The following SLC24A2 variants were observed in gnomAD, a reference collection of about 807,000 sequenced individuals.
SLC24A2 encodes the protein solute carrier family 24 member 2, also known as sodium/potassium/calcium exchanger 2.
SLC24A2 carries 36 observed loss-of-function variants against 62.0 expected under a neutral mutation model. The observed-to-expected ratio is 0.58, with a 90% confidence interval of 0.44 to 0.77. The LOEUF is 0.77. Ranked by LOEUF, SLC24A2 falls within the 30% of genes least tolerant of loss-of-function variation. SLC24A2 has a pLI of 0.00. For missense variants in SLC24A2, 846 were observed against 817.9 expected (o/e 1.03, Z -0.42); for synonymous variants, 358 against 294.0 (o/e 1.22, Z -2.23).
chr9:20,074,452 G>A, the SLC24A2 span, among the ~76,000 whole-genome samples: 3 of 151,764 alleles, frequency 2.0e-5, no homozygotes, highest in Non-Finnish European at 2.9e-5. Context: ...TTTCATTTAG[G>A]ACAATTAATG....
intron 2 of SLC24A2, among the ~76,000 whole-genome samples, chr9:19,738,991 C>G (rs917136017): frequency 6.6e-6 from 1 of 152,004 alleles, no homozygotes; most frequent in Non-Finnish European, 1.5e-5. Context: ...GTGGTGCGCA[C>G]CGGTAGTCCC....
chr9:19,916,446 A>G, the SLC24A2 span, among the ~76,000 whole-genome samples: 16 of 152,140 alleles, frequency 1.1e-4, no homozygotes, highest in African/African-American at 3.8e-4. Context: ...ACAAGTTAAA[A>G]ATTTACCTAA....
chr9:20,062,077 A>G, the SLC24A2 span, among the ~76,000 whole-genome samples: 1 of 152,124 alleles, frequency 6.6e-6, no homozygotes. Flanking sequence ...AAAGAAAAAG[A>G]AAATACCCAG....
At chr9:20,059,922 A>C in the SLC24A2 span, among the ~76,000 whole-genome samples, 1 of 152,114 alleles carries the variant, frequency 6.6e-6, no homozygotes, top group South Asian at 2.1e-4. Flanking sequence ...TCAAGAAGAA[A>C]AAAGGGAGAG....
At chr9:20,076,430 A>T in the SLC24A2 span, among the ~76,000 whole-genome samples, 25,449 of 152,140 alleles carry the variant, frequency 0.17, 3,585 homozygotes, top group East Asian at 0.65. Flanking sequence ...ACACGAAGGG[A>T]GAACCCCTGT....
the SLC24A2 span, among the ~76,000 whole-genome samples, chr9:20,199,885 A>ATTT: frequency 3.4e-3 from 443 of 132,014 alleles, 4 homozygotes; most frequent in African/African-American, 0.012. Flanking sequence ...TGCCTGGCTA[A>ATTT]TTTTTTTTTT....
chr9:19,702,980 T>C (rs71508802), intron 2 of SLC24A2, among the ~76,000 whole-genome samples: 27,218 of 152,116 alleles, frequency 0.18, 2,585 homozygotes, highest in Middle Eastern at 0.24. Flanking sequence ...AGTAAATAAA[T>C]GCAATGCAAT....
At chr9:20,104,945 GGAAACCCATCTCATGTGCAGA>G in the SLC24A2 span, among the ~76,000 whole-genome samples, 3 of 152,144 alleles carry the variant, frequency 2.0e-5, no homozygotes, top group African/African-American at 7.2e-5. Flanking sequence ...GCTGTATTCA[GGAAACCCATCTCATGTGCAGA>G]GACACACATA....
At chr9:19,989,458 G>C in the SLC24A2 span, among the ~76,000 whole-genome samples, 3 of 152,138 alleles carry the variant, frequency 2.0e-5, no homozygotes, top group Admixed American at 1.3e-4. Flanking sequence ...TCATCATAAA[G>C]AATGTCAGTT....
the SLC24A2 span, among the ~76,000 whole-genome samples, chr9:20,029,056 A>G: frequency 6.6e-6 from 1 of 151,748 alleles, no homozygotes; most frequent in African/African-American, 2.4e-5. Flanking sequence ...ACCCTCCATC[A>G]CCCTTCCTCC....
chr9:19,925,466 T>C, the SLC24A2 span, among the ~76,000 whole-genome samples: 2 of 152,248 alleles, frequency 1.3e-5, no homozygotes, highest in Non-Finnish European at 2.9e-5. Context: ...CTGTAACTCC[T>C]TGTGTATATA....
chr9:20,304,769 G>C, the SLC24A2 span, among the ~76,000 whole-genome samples: 1 of 152,212 alleles, frequency 6.6e-6, no homozygotes, highest in Non-Finnish European at 1.5e-5. Context: ...TATAGAGGAG[G>C]AAACCAAGCT....
chr9:19,855,032 A>G, the SLC24A2 span, among the ~76,000 whole-genome samples: 21 of 152,128 alleles, frequency 1.4e-4, no homozygotes, highest in Non-Finnish European at 1.9e-4. Context: ...TGAACCCTTT[A>G]CCATTATGTA....
the SLC24A2 span, among the ~76,000 whole-genome samples, chr9:19,879,284 G>A: frequency 5.2e-4 from 79 of 152,280 alleles, no homozygotes; most frequent in Non-Finnish European, 1.1e-3. Context: ...ACCCCGAGAG[G>A]AGACTGATGG....
intron 9 of SLC24A2, among the ~76,000 whole-genome samples, chr9:19,521,612 G>A (rs1833203002): frequency 6.6e-6 from 1 of 152,224 alleles, no homozygotes; most frequent in Non-Finnish European, 1.5e-5. Context: ...CAAAGCAACT[G>A]TGGAGAAGCA....
intron 8 of SLC24A2, among the ~76,000 whole-genome samples, chr9:19,540,457 A>G (rs1481631975): frequency 4.7e-5 from 7 of 150,502 alleles, no homozygotes; most frequent in African/African-American, 1.7e-4. Flanking sequence ...TTTCTCCTTC[A>G]CTTATGAAGC....
chr9:20,164,925 A>G, the SLC24A2 span, among the ~76,000 whole-genome samples: 1 of 144,374 alleles, frequency 6.9e-6, no homozygotes, highest in Non-Finnish European at 1.5e-5. Context: ...ATAGGTGGGA[A>G]TTGAACAATG....
rs757481428 is a variant in SLC24A2 at position 19,622,310 on chromosome 9, G to C, written c.931-11C>G. ...CCTGGCTGCAGATGGCTGCATAAGA[G>C]AAAAAGGCAAAGACAAAAGACAAAG... On this transcript the variant is annotated splice_polypyrimidine_tract_variant and intron_variant, in intron 2 of 10. Transcript: ENST00000341998. 3.7e-5 allele frequency: 59 copies of C among 1,611,932 alleles called. No individual in the cohort carries two copies. Among genetic ancestry groups the C allele is most frequent in the Non-Finnish European group, 4.9e-5 (58 of 1,178,474 alleles).
chr9:20,295,036 G>GTAT, the SLC24A2 span, among the ~76,000 whole-genome samples: 1 of 145,622 alleles, frequency 6.9e-6, no homozygotes, highest in African/African-American at 2.5e-5. Flanking sequence ...GTGTATATAT[G>GTAT]TATATATATA....
Sources: allele counts gnomAD v4.1 joint callset (sites outside exome capture counted in the v4.1 genomes callset), GRCh38; gene constraint gnomAD v4.1.1; transcripts MANE v1.5; gene names NCBI Gene and HGNC (gene_info 2026-07-23, HGNC 2026-07-21).